Variants in COL22A1 observed in about 807,000 individuals in gnomAD.
COL22A1 encodes the protein collagen alpha-1(XXII) chain.
In COL22A1, 221 loss-of-function variants were observed where a neutral mutation model predicts 248.9. That is an observed-to-expected ratio of 0.89 (90% CI 0.80 to 0.99). The LOEUF is 0.99. COL22A1 is among the 50% of genes least tolerant of loss of function. COL22A1 has a pLI of 0.00. For missense variants in COL22A1, 2,240 were observed against 2,179.0 expected, an observed-to-expected ratio of 1.03 and a Z score of -0.56; for synonymous variants, 891 against 793.4, an observed-to-expected ratio of 1.12 and a Z score of -2.07.
chr8:138,748,226 C>A (rs1233222557), intron 22 of COL22A1, among the ~76,000 whole-genome samples: 12 of 152,206 alleles, frequency 7.9e-5, no homozygotes, highest in Admixed American at 7.8e-4. Context: ...GCTGAGATCT[C>A]CCTCTGTCCT....
intron 10 of COL22A1, among the ~76,000 whole-genome samples, chr8:138,805,951 T>TG (rs1817568360): frequency 7.1e-6 from 1 of 141,448 alleles, no homozygotes; most frequent in Admixed American, 7.0e-5. Flanking sequence ...TGATGGTATA[T>TG]TATGGTGTGT....
In COL22A1 at chr8:138,596,904, T is replaced by C. The variant is rs1220797303; in HGVS notation, c.4432A>G (p.Thr1478Ala). The change falls in exon 62 of 65, where the codon ACC becomes GCC. Residue 1478 changes from threonine to alanine, a missense_variant and splice_region_variant. By Grantham distance (58) the Thr-to-Ala change is moderately conservative. Coordinates refer to ENST00000303045, the MANE Select transcript of COL22A1 (RefSeq NM_152888.3). Reference sequence around the variant, plus strand: ...ACCGTAACACAGTCCAGATACTCACTTTCAAGCTGCTTCCCCAGCTCTTCT... The same window carrying C: ...ACCGTAACACAGTCCAGATACTCACCTTCAAGCTGCTTCCCCAGCTCTTCT... ...IQEELGKQLE[T>A]RLAYLLAQMP... 6.2e-7 allele frequency: 1 copy of C among 1,613,908 alleles called. No homozygotes were observed. The highest frequency in any genetic ancestry group is 1.1e-5 in the South Asian group (1 of 91,062).
intron 12 of COL22A1, among the ~76,000 whole-genome samples, chr8:138,787,617 C>T (rs899263925): frequency 6.6e-6 from 1 of 152,198 alleles, no homozygotes; most frequent in African/African-American, 2.4e-5. Flanking sequence ...AATCAACACT[C>T]AGGATATAAG....
intron 62 of COL22A1, 49 bp downstream of exon 62, chr8:138,596,855 G>T: frequency 1.3e-6 from 2 of 1,554,298 alleles, no homozygotes; most frequent in Non-Finnish European, 8.8e-7. Flanking sequence ...TGAGAGAACT[G>T]CTTCCTGGGC....
At chr8:138,629,697 C>T (rs1056408731) in intron 50 of COL22A1, among the ~76,000 whole-genome samples, 11 of 152,310 alleles carry the variant, frequency 7.2e-5, no homozygotes, top group Admixed American at 2.0e-4. Context: ...CACTAATTTC[C>T]GTATGACTTT....
At chr8:138,646,570 GA>G in intron 47 of COL22A1, 58 bp downstream of exon 47, 1 of 1,311,298 alleles carries the variant, frequency 7.6e-7, no homozygotes, top group Non-Finnish European at 1.0e-6. Flanking sequence ...CTTAAATTGA[GA>G]TTAACCATTG....
intron 59 of COL22A1, among the ~76,000 whole-genome samples, chr8:138,603,153 CAGGTGCCATGT>C (rs1818169266): frequency 6.6e-6 from 1 of 152,202 alleles, no homozygotes; most frequent in Non-Finnish European, 1.5e-5. Context: ...CCCTTTCATG[CAGGTGCCATGT>C]TCAGCCCTGA....
intron 1 of COL22A1, among the ~76,000 whole-genome samples, chr8:138,909,488 GCAGT>G (rs1488764231): frequency 6.6e-6 from 1 of 151,954 alleles, no homozygotes; most frequent in African/African-American, 2.4e-5. Context: ...CTGCCGGTGT[GCAGT>G]CAAAGGAAAA....
At chr8:138,906,978 T>C (rs1307985926) in intron 1 of COL22A1, among the ~76,000 whole-genome samples, 1 of 152,208 alleles carries the variant, frequency 6.6e-6, no homozygotes, top group Non-Finnish European at 1.5e-5. Context: ...TAATCACCAG[T>C]GGCATTTCTT....
chr8:138,778,208 A>G, intron 15 of COL22A1, 145 bp downstream of exon 15: 1 of 845,102 alleles, frequency 1.2e-6, no homozygotes, highest in Non-Finnish European at 2.0e-6. Flanking sequence ...TTCTGGTCTA[A>G]GAAAGGAGAT....
At chr8:138,694,906 T>A (rs751553981) in intron 32 of COL22A1, 27 bp from the exon 33 acceptor site, 2 of 1,611,622 alleles carry the variant, frequency 1.2e-6, no homozygotes, top group Admixed American at 3.3e-5. Flanking sequence ...TAGGGTAGAG[T>A]GGACTTCAGG....
Position 138,878,452 on chromosome 8 carries a change from TG to T in COL22A1, c.92-137del. The T allele has an allele frequency of 8.3e-6, 6 of 720,674 alleles. No homozygotes were observed. The South Asian group carries it at 1.7e-4, about 20-fold the overall frequency. 44.6% of individuals were successfully genotyped at this position (720,674 alleles called of 1,614,324 possible). ...CCTGTCTCTCATGACCCAAGGGCCC[TG>T]GGCTGCCTGAAAGGCCTGAGCCTCA... On this transcript the variant is annotated intron_variant, in intron 2 of 64. Coordinates refer to ENST00000303045, the MANE Select transcript of COL22A1 (RefSeq NM_152888.3).
At chr8:138,881,537 T>G (rs547532484) in intron 2 of COL22A1, among the ~76,000 whole-genome samples, 2 of 152,010 alleles carry the variant, frequency 1.3e-5, no homozygotes, top group African/African-American at 4.8e-5. Context: ...TACAAAAAAT[T>G]AGCCAGGCAT....
chr8:138,829,104 G>C (rs1819823055), intron 5 of COL22A1, among the ~76,000 whole-genome samples: 1 of 152,180 alleles, frequency 6.6e-6, no homozygotes, highest in South Asian at 2.1e-4. Context: ...TAGGACCTGC[G>C]AGCAAGATTC....
chr8:138,621,096 C>T (rs970961752), intron 52 of COL22A1, among the ~76,000 whole-genome samples: 1 of 152,178 alleles, frequency 6.6e-6, no homozygotes, highest in Non-Finnish European at 1.5e-5. Flanking sequence ...ATGAGCAACT[C>T]AACTTGAAGA....
At position 138,826,813 on chromosome 8, in the gene COL22A1, T is replaced by G. The variant is rs183876058; in HGVS notation, c.846-32A>C. 2,737 of 1,612,222 alleles carry G rather than the reference T, an allele frequency of 1.7e-3. 51 individuals carry two copies. In the African/African-American group the frequency reaches 0.032, roughly 19 times the overall value. ...AAAAATGGAGACAAAGACACCAGGC[T>G]TGGCGATGAGAGCAGGGAGCCAGCA... On this transcript the variant is annotated intron_variant, in intron 5 of 64. Transcript: ENST00000303045.
At chr8:138,606,287 A>G (rs111379632) in intron 58 of COL22A1, 94 bp downstream of exon 58, 1 of 1,144,026 alleles carries the variant, frequency 8.7e-7, no homozygotes. Flanking sequence ...AGCAGACAGA[A>G]CTGAGGACAC....
At chr8:138,725,290 T>C in intron 24 of COL22A1, 97 bp downstream of exon 24, 1 of 1,270,310 alleles carries the variant, frequency 7.9e-7, no homozygotes. Flanking sequence ...CTTGGGTGGA[T>C]AAAAGACAAG....
intron 22 of COL22A1, among the ~76,000 whole-genome samples, chr8:138,749,981 G>A (rs1832455327): frequency 1.3e-5 from 2 of 152,196 alleles, no homozygotes; most frequent in Non-Finnish European, 2.9e-5. Context: ...CCCGGTGGGA[G>A]GTGATTGAAT....
Sources: allele counts gnomAD v4.1 joint callset (sites outside exome capture counted in the v4.1 genomes callset), GRCh38; gene constraint gnomAD v4.1.1; transcripts MANE v1.5; gene names NCBI Gene and HGNC (gene_info 2026-07-23, HGNC 2026-07-21).